Variants in ACTB observed in about 807,000 individuals in gnomAD.
The protein encoded by ACTB is actin beta.
A neutral mutation model predicts 30.5 loss-of-function variants in ACTB; 2 were observed. The observed-to-expected ratio is 0.07, with a 90% CI of 0.03 to 0.21. ACTB has a LOEUF of 0.21. ACTB is among the 10% of genes least tolerant of loss of function. The pLI is 1.00. For synonymous variants in ACTB, 335 were observed against 217.6 expected (o/e 1.54, Z -4.75); for missense variants, 56 against 530.0 (o/e 0.11, Z 8.78).
rs772104844 is a variant in ACTB at position 5,528,483 on chromosome 7, G to A, written c.600C>T (p.Phe200=). The A allele has an allele frequency of 6.2e-7, 1 of 1,614,120 alleles. No homozygotes were observed. Among genetic ancestry groups the A allele is most frequent in the South Asian group, 1.1e-5 (1 of 91,086 alleles). Residue 200 remains phenylalanine (F), a synonymous_variant, in exon 4 of 6, where the codon TTC becomes TTT. Coordinates refer to ENST00000646664, the MANE Select transcript of ACTB (RefSeq NM_001101.5). ...MKILTERGYS[F]TTTAEREIVR... is the part of the protein sequence containing the mutation. ...CGATTTCCCGCTCGGCCGTGGTGGT[G>A]AAGCTGTAGCCGCGCTCGGTGAGGA...
Position 5,527,652 on chromosome 7 carries a change from A to G in ACTB, c.*96T>C. On this transcript the variant is annotated 3_prime_UTR_variant, in exon 6 of 6. Transcript: ENST00000646664. ...AAAAAAAAAAAAACCAAAACAAAACAAAAAAAACAAATAAAGCCATGCCAA... is the reference window on the plus strand; with the variant it reads ...AAAAAAAAAAAAACCAAAACAAAACGAAAAAAACAAATAAAGCCATGCCAA... 1.3e-6 allele frequency: 2 copies of G among 1,558,590 alleles called. No individual in the cohort carries two copies. The highest frequency in any genetic ancestry group is 2.3e-5 in the East Asian group (1 of 44,378).
rs369091281 is a variant in ACTB at position 5,527,974 on chromosome 7, C to T, written c.984+30G>A. On this transcript the variant is annotated intron_variant, in intron 5 of 5. Transcript: ENST00000646664. ...CACAGGACCCCACAGCCGACCTGCC[C>T]AGGTCAGCTCAGGCAGGAAAGACAC... 1.1e-5 allele frequency: 17 copies of T among 1,613,054 alleles called. No homozygotes were observed. The South Asian group carries it at 1.2e-4, about 11-fold the overall frequency.
In ACTB at chr7:5,527,312, A is replaced by C; in HGVS notation, c.*436T>G. 1 of 256,760 alleles carries C rather than the reference A, an allele frequency of 3.9e-6. No individual in the cohort carries two copies. The highest frequency in any genetic ancestry group is 7.7e-6 in the Non-Finnish European group (1 of 129,910). 15.9% of individuals were successfully genotyped at this position (256,760 alleles called of 1,614,324 possible). Reference sequence around the variant, plus strand: ...GCACGAAGGCTCATCATTCAAAATAAAACAAAATAAAAAAGTATTAAGGCG... The same window carrying C: ...GCACGAAGGCTCATCATTCAAAATACAACAAAATAAAAAAGTATTAAGGCG... On this transcript the variant is annotated 3_prime_UTR_variant, in exon 6 of 6. Coordinates refer to ENST00000646664, the MANE Select transcript of ACTB (RefSeq NM_001101.5).
rs1419925551 is a variant in ACTB at position 5,528,033 on chromosome 7, C to A, written c.955G>T (p.Ala319Ser). 1 of 1,614,182 alleles carries A rather than the reference C, an allele frequency of 6.2e-7. No individual in the cohort carries two copies. Among genetic ancestry groups the A allele is most frequent in the Non-Finnish European group, 8.5e-7 (1 of 1,180,036 alleles). The change falls in exon 5 of 6, where the codon GCC (alanine) becomes TCC (serine). Residue 319 changes from alanine (A) to serine (S), a missense_variant. By Grantham distance (99) the Ala-to-Ser change is moderately conservative (BLOSUM62 1). Coordinates refer to ENST00000646664, the MANE Select transcript of ACTB (RefSeq NM_001101.5). Reference sequence around the variant, plus strand: ...ATCTTCATTGTGCTGGGTGCCAGGGCAGTGATCTCCTTCTGCATCCTGTCG... The same window carrying A: ...ATCTTCATTGTGCTGGGTGCCAGGGAAGTGATCTCCTTCTGCATCCTGTCG... Reference protein sequence around the residue: ...IADRMQKEITALAPSTMKIKI... With the variant: ...IADRMQKEITSLAPSTMKIKI...
At chr7:5,529,424 C>A in intron 2 of ACTB, 24 bp from the exon 3 acceptor site, 1 of 1,613,770 alleles carries the variant, frequency 6.2e-7, no homozygotes. Context: ...GACAAGAAGC[C>A]CTGAGCACGG....
chr7:5,529,568 G>A lies in ACTB; in HGVS notation c.90C>T (p.Val30=), dbSNP rs778720935. 6.8e-6 allele frequency: 11 copies of A among 1,611,624 alleles called. No individual in the cohort carries two copies. Among genetic ancestry groups the A allele is most frequent in the South Asian group, 3.3e-5 (3 of 91,000 alleles). ...TGGGGCGCCCCACGATGGAGGGGAAGACGGCCCGGGGGGCATCGTCGCCCG... is the reference window on the plus strand; with the variant it reads ...TGGGGCGCCCCACGATGGAGGGGAAAACGGCCCGGGGGGCATCGTCGCCCG... The part of the protein sequence containing the change: ...GFAGDDAPRA[V]FPSIVGRPRH... Residue 30 remains valine (V), a synonymous_variant, in exon 2 of 6, where the codon GTC becomes GTT. Coordinates refer to ENST00000646664, the MANE Select transcript of ACTB (RefSeq NM_001101.5).
intron 1 of ACTB, among the ~76,000 whole-genome samples, chr7:5,530,150 G>A (rs1161646983): frequency 3.3e-5 from 5 of 151,974 alleles, no homozygotes; most frequent in African/African-American, 7.2e-5. Context: ...CGCAGTTAGC[G>A]CCCAAAGGAC....
chr7:5,529,991 G>C (rs1166207315), intron 1 of ACTB: 1 of 177,166 alleles, frequency 5.6e-6, no homozygotes, highest in Non-Finnish European at 1.2e-5. Flanking sequence ...GCGCGCAAGC[G>C]CCCGGGAGCC....
rs11546911 is a variant in ACTB, at chr7:5,527,547, G to A, written c.*201C>T. 5 of 809,266 alleles carry A rather than the reference G, an allele frequency of 6.2e-6. No individual in the cohort carries two copies. The highest frequency in any genetic ancestry group is 3.5e-5 in the African/African-American group (2 of 56,564). 50.1% of individuals were successfully genotyped at this position (809,266 alleles called of 1,614,324 possible). A position where few individuals can be genotyped will look rare whatever the true frequency, so the allele number is the denominator to read the frequency against. On this transcript the variant is annotated 3_prime_UTR_variant, in exon 6 of 6. Transcript: ENST00000646664. ...TGCAATCAAAGTCCTCGGCCACATT[G>A]TGAACTTTGGGGGATGCTCGCTCCA... is the stretch of plus-strand genomic sequence containing the variant.
chr7:5,528,969 G>C lies in ACTB; in HGVS notation c.363+192C>G, dbSNP rs867182401. The C allele has an allele frequency of 7.0e-6, 11 of 1,562,762 alleles. No homozygotes were observed. The Middle Eastern group carries it at 1.5e-3, about 217-fold the overall frequency. ...CAACACTGTCTTAGACACCTAGTCA[G>C]AGAGACAAACACCAGAAAAAGAGCT... On this transcript the variant is annotated intron_variant, in intron 3 of 5. Coordinates refer to ENST00000646664, the MANE Select transcript of ACTB (RefSeq NM_001101.5).
intron 1 of ACTB, chr7:5,530,025 C>G (rs890079979): frequency 1.3e-5 from 2 of 158,666 alleles, no homozygotes; most frequent in African/African-American, 4.8e-5. Context: ...CCCTTCCGGC[C>G]GAGCCCGCCT....
At chr7:5,530,182 C>T in intron 1 of ACTB, among the ~76,000 whole-genome samples, 1 of 152,036 alleles carries the variant, frequency 6.6e-6, no homozygotes, top group South Asian at 2.1e-4. Flanking sequence ...CGCAATGGCG[C>T]CCCAGCCCCC....
chr7:5,529,215 C>A lies in ACTB; in HGVS notation c.309G>T (p.Val103=). Residue 103 remains valine (V), a synonymous_variant, in exon 3 of 6, where the codon GTG becomes GTT. Coordinates refer to ENST00000646664, the MANE Select transcript of ACTB (RefSeq NM_001101.5). ...GGTTCAGGGGGGCCTCGGTCAGCAG[C>A]ACGGGGTGCTCCTCGGGAGCCACAC... ...ELRVAPEEHP[V]LLTEAPLNPK... is the part of the protein sequence containing the mutation. 6.2e-7 allele frequency: 1 copy of A among 1,614,036 alleles called. No individual in the cohort carries two copies. The highest frequency in any genetic ancestry group is 1.3e-5 in the African/African-American group (1 of 75,048).
chr7:5,527,957 C>A, intron 5 of ACTB, 47 bp downstream of exon 5: 3 of 1,613,042 alleles, frequency 1.9e-6, no homozygotes, highest in Non-Finnish European at 2.5e-6. Flanking sequence ...ACCACAGGAC[C>A]CCACAGCCGA....
At chr7:5,528,838 G>C (rs978014206) in intron 3 of ACTB, 119 bp from the exon 4 acceptor site, 1 of 1,442,424 alleles carries the variant, frequency 6.9e-7, no homozygotes, top group African/African-American at 1.4e-5. Flanking sequence ...CTTGGGATGG[G>C]GAGTCTGTTC....
At position 5,529,227 on chromosome 7, in the gene ACTB, C is replaced by T. The variant is rs758699008; in HGVS notation, c.297G>A (p.Glu99=). The T allele has an allele frequency of 5.6e-6, 9 of 1,614,066 alleles. No individual in the cohort carries two copies. The highest frequency in any genetic ancestry group is 3.3e-5 in the Admixed American group (2 of 60,026). ...CCTCGGTCAGCAGCACGGGGTGCTC[C>T]TCGGGAGCCACACGCAGCTCATTGT... ...TFYNELRVAP[E]EHPVLLTEAP... Residue 99 remains glutamate (E), a synonymous_variant, in exon 3 of 6, where the codon GAG becomes GAA. Transcript: ENST00000646664.
At position 5,528,189 on chromosome 7, in the gene ACTB, A is replaced by C; in HGVS notation, c.803-4T>G. 2 of 1,613,734 alleles carry C rather than the reference A, an allele frequency of 1.2e-6. No individual in the cohort carries two copies. Among genetic ancestry groups the C allele is most frequent in the Non-Finnish European group, 1.7e-6 (2 of 1,179,608 alleles). On this transcript the variant is annotated splice_region_variant and splice_polypyrimidine_tract_variant and intron_variant, in intron 4 of 5. Transcript: ENST00000646664. ...TGGATGCCACAGGACTCCATGCCTG[A>C]GAGGGAAATGAGGGCAGGACTTAGC...
chr7:5,530,495 G>T (rs991823734), intron 1 of ACTB, 29 bp downstream of exon 1: 1 of 80,468 alleles, frequency 1.2e-5, no homozygotes, highest in Non-Finnish European at 2.9e-5. Flanking sequence ...GCCGTGAGCC[G>T]CCTGCCCCGG....
chr7:5,529,704 C>T, intron 1 of ACTB, 41 bp from the exon 2 acceptor site: 2 of 1,609,630 alleles, frequency 1.2e-6, no homozygotes, highest in Non-Finnish European at 1.7e-6. Context: ...GAGGTCGCCC[C>T]CGCCCTGGCC....
Sources: gnomAD v4.1 joint callset for allele counts (sites outside exome capture counted in the v4.1 genomes callset) on GRCh38, gnomAD v4.1.1 for gene constraint, MANE v1.5 for transcripts, NCBI Gene and HGNC (gene_info 2026-07-23, HGNC 2026-07-21) for gene names.